RASA2: variants seen among roughly 807,000 people sequenced by gnomAD.
RASA2 encodes the protein RAS p21 protein activator 2.
RASA2 carries 155 observed loss-of-function variants against 118.2 expected under a neutral mutation model. The ratio of observed to expected loss-of-function variants is 1.31; its 90% CI spans 1.15 to 1.50. RASA2 has a LOEUF of 1.50. Among genes scored for constraint, RASA2 ranks in the 40% most tolerant of loss-of-function variants. The pLI, the probability that RASA2 is intolerant of heterozygous loss-of-function variation, is 0.00. For synonymous variants in RASA2, 353 were observed against 349.1 expected (o/e 1.01, Z -0.12); for missense variants, 1,016 against 1,009.6 (o/e 1.01, Z -0.09).
At chr3:141,581,051 CTTAA>C in intron 16 of RASA2, 45 bp from the exon 17 acceptor site, 1 of 1,445,280 alleles carries the variant, frequency 6.9e-7, no homozygotes, top group Non-Finnish European at 9.1e-7. Context: ...CCATTCTATT[CTTAA>C]TTCTCTATTT....
intron 1 of RASA2, among the ~76,000 whole-genome samples, chr3:141,506,915 C>CAA (rs59123792): frequency 2.0e-4 from 18 of 89,752 alleles, no homozygotes; most frequent in African/African-American, 6.9e-4. Flanking sequence ...GACCCTGTCT[C>CAA]AAAAAAAAAA....
rs368775723 is a variant in RASA2, at chr3:141,571,760, G to GT, written c.1169+211dup. Among the ~76,000 whole-genome samples, 697 of 152,088 alleles carry GT rather than the reference G, an allele frequency of 4.6e-3. 5 individuals carry two copies. Among genetic ancestry groups the GT allele is most frequent in the African/African-American group, 0.016 (666 of 41,496 alleles). On this transcript the variant is annotated intron_variant, in intron 11 of 23. Transcript: ENST00000286364. ...TTAAGGACAACAATTAATGAAGGATGTTTTTCTTTAACTCAGGAAATTTCA... is the reference window on the plus strand; with the variant it reads ...TTAAGGACAACAATTAATGAAGGATGTTTTTTCTTTAACTCAGGAAATTTCA...
Position 141,614,120 on chromosome 3 carries a change from T to C in RASA2, c.*1807T>C, listed in dbSNP as rs1243554114. 6.6e-6 allele frequency: 1 copy of C among 152,170 alleles called. No homozygotes were observed. Among genetic ancestry groups the C allele is most frequent in the Non-Finnish European group, 1.5e-5 (1 of 68,020 alleles). 9.4% of individuals were successfully genotyped at this position (152,170 alleles called of 1,614,324 possible). On this transcript the variant is annotated 3_prime_UTR_variant, in exon 24 of 24. Coordinates refer to ENST00000286364, the MANE Select transcript of RASA2 (RefSeq NM_006506.5). The stretch of plus-strand genomic sequence containing the variant: ...ACCAGTCATTATTCTTTAGTGGCTT[T>C]TTAGTCCTCTGCTTTTTTTTTTAAG...
chr3:141,580,349 T>G lies in RASA2; in HGVS notation c.1591-19T>G. 3 of 1,545,508 alleles carry G rather than the reference T, an allele frequency of 1.9e-6. No individual in the cohort carries two copies. Among genetic ancestry groups the G allele is most frequent in the Non-Finnish European group, 1.8e-6 (2 of 1,130,124 alleles). On this transcript the variant is annotated intron_variant, in intron 15 of 23. Coordinates refer to ENST00000286364, the MANE Select transcript of RASA2 (RefSeq NM_006506.5). ...TTTCTTGAAAACTTAGTAGTTTTGG[T>G]CTTTTTTACATTCTTTAGGATGCAC...
chr3:141,514,440 G>A (rs1296157713), intron 2 of RASA2, among the ~76,000 whole-genome samples: 2 of 152,122 alleles, frequency 1.3e-5, no homozygotes, highest in East Asian at 1.9e-4. Context: ...AGTCACAAGG[G>A]AACTTTCTGG....
chr3:141,573,180 C>T lies in RASA2; in HGVS notation c.1318C>T (p.Pro440Ser), dbSNP rs1356235928. 9 of 1,537,438 alleles carry T rather than the reference C, an allele frequency of 5.9e-6. No homozygotes were observed. The highest frequency in any genetic ancestry group is 7.8e-6 in the Non-Finnish European group (9 of 1,152,302). ...CTCCTCAAAATCCTGTGAAATCGAT[C>T]CTATTAAATTGAAAGAGGGAGATAA... ...CDSSKSCEID[P>S]IKLKEGDNVE... The change falls in exon 13 of 24, where the codon CCT (proline) becomes TCT (serine). Residue 440 changes from proline (P) to serine (S), a missense_variant. This residue lies in a region of RASA2 where 896 missense variants were observed against 836.4 expected (regional missense o/e 1.07). Transcript: ENST00000286364.
chr3:141,493,287 T>G (rs901655193), intron 1 of RASA2, among the ~76,000 whole-genome samples: 3 of 152,232 alleles, frequency 2.0e-5, no homozygotes, highest in African/African-American at 7.2e-5. Context: ...CTGTTCCTTC[T>G]TAAGAACTTT....
At position 141,547,891 on chromosome 3, in the gene RASA2, T is replaced by C. The variant is rs374462682; in HGVS notation, c.528-5966T>C. Among the ~76,000 whole-genome samples, 4 of 152,302 alleles carry C rather than the reference T, an allele frequency of 2.6e-5. No homozygotes were observed. The East Asian group carries it at 7.7e-4, about 29-fold the overall frequency. On this transcript the variant is annotated intron_variant, in intron 5 of 23. Transcript: ENST00000286364. ...CTATTTTTTGAGGGTTTTATTATTA[T>C]GAAGGACTGTTGAATTTTGTCAAAT...
chr3:141,535,298 T>A (rs2082312172), intron 4 of RASA2, among the ~76,000 whole-genome samples: 3 of 152,226 alleles, frequency 2.0e-5, no homozygotes, highest in Admixed American at 1.3e-4. Flanking sequence ...TCTGTTTAGA[T>A]ATTTGCTTTA....
chr3:141,607,584 A>G, intron 19 of RASA2, 94 bp from the exon 20 acceptor site: 1 of 1,257,756 alleles, frequency 8.0e-7, no homozygotes, highest in Non-Finnish European at 1.0e-6. Context: ...CCTACCATCA[A>G]GAGGATGAGC....
chr3:141,581,145 CAAG>C lies in RASA2; in HGVS notation c.1727_1729del (p.Glu576del). Reference sequence around the variant, plus strand: ...CATGTGTGAATTTTTCAAAATGTTTCAAGAAGAAGGATATATTATAGCAGTTAA... The same window carrying C: ...CATGTGTGAATTTTTCAAAATGTTTCAAGAAGGATATATTATAGCAGTTAA... On this transcript the variant is annotated inframe_deletion, in exon 17 of 24. Coordinates refer to ENST00000286364, the MANE Select transcript of RASA2 (RefSeq NM_006506.5). 1 of 1,539,432 alleles carries C rather than the reference CAAG, an allele frequency of 6.5e-7. No homozygotes were observed. The highest frequency in any genetic ancestry group is 8.7e-7 in the Non-Finnish European group (1 of 1,151,340).
chr3:141,512,346 C>G (rs2081964660), intron 2 of RASA2, 66 bp downstream of exon 2: 2 of 1,132,112 alleles, frequency 1.8e-6, no homozygotes, highest in South Asian at 2.9e-5. Context: ...ATGCATTTTC[C>G]AGATTATAAT....
chr3:141,560,133 A>G (rs949638225), intron 9 of RASA2, 138 bp downstream of exon 9: 4 of 603,786 alleles, frequency 6.6e-6, no homozygotes, highest in African/African-American at 1.9e-5. Flanking sequence ...TGATATGTTC[A>G]TTAATTCATT....
chr3:141,529,363 T>G (rs2082226507), intron 3 of RASA2, among the ~76,000 whole-genome samples: 1 of 152,114 alleles, frequency 6.6e-6, no homozygotes. Flanking sequence ...AAGATTAGTT[T>G]GCACTACCAT....
At position 141,572,702 on chromosome 3, in the gene RASA2, AT is replaced by A; in HGVS notation, c.1265del (p.Leu422Ter). 3 of 1,607,646 alleles carry A rather than the reference AT, an allele frequency of 1.9e-6. No homozygotes were observed. Among genetic ancestry groups the A allele is most frequent in the Non-Finnish European group, 2.6e-6 (3 of 1,174,608 alleles). On this transcript the variant is annotated frameshift_variant, in exon 12 of 24. Coordinates refer to ENST00000286364, the MANE Select transcript of RASA2 (RefSeq NM_006506.5). LOFTEE classifies it high-confidence loss of function. ...TGGGAGGGCACTACCTGAAAGTAAC[AT>A]TAAAACCTATTCTTGATGAGGTACA... ...IVGGHYLKVT[L>X]KPILDEICDS... is the part of the protein sequence containing the mutation.
chr3:141,539,933 A>G (rs1266772893), intron 4 of RASA2, among the ~76,000 whole-genome samples: 1 of 152,062 alleles, frequency 6.6e-6, no homozygotes, highest in African/African-American at 2.4e-5. Context: ...TCTTTTGTTT[A>G]TTGTCTTCCC....
At chr3:141,538,818 CAAT>C (rs1454052815) in intron 4 of RASA2, among the ~76,000 whole-genome samples, 39 of 152,224 alleles carry the variant, frequency 2.6e-4, no homozygotes, top group South Asian at 2.1e-4. Flanking sequence ...GGCTCTGACT[CAAT>C]AATAATGATT....
At chr3:141,558,780 C>T (rs369434540) in intron 7 of RASA2, 106 bp from the exon 8 acceptor site, 3 of 879,020 alleles carry the variant, frequency 3.4e-6, no homozygotes, top group African/African-American at 1.7e-5. Context: ...TGGACATTTT[C>T]CTCTGCTTTT....
intron 3 of RASA2, among the ~76,000 whole-genome samples, chr3:141,517,570 G>A (rs532349668): frequency 1.3e-5 from 2 of 152,248 alleles, no homozygotes; most frequent in East Asian, 3.9e-4. Context: ...CTTATGCCAG[G>A]CCCCTCCTCC....
Sources: gnomAD v4.1 joint callset for allele counts (sites outside exome capture counted in the v4.1 genomes callset) on GRCh38, gnomAD v4.1.1 for gene constraint, gnomAD v4.1.1 regional missense constraint, MANE v1.5 for transcripts, NCBI Gene and HGNC (gene_info 2026-07-23, HGNC 2026-07-21) for gene names.